The following SPTBN2 variants were observed in gnomAD, a reference collection of about 807,000 sequenced individuals.
SPTBN2 encodes the protein spectrin beta chain, non-erythrocytic 2.
In SPTBN2, 107 loss-of-function variants were observed where a neutral mutation model predicts 284.2. The observed-to-expected ratio is 0.38, with a 90% CI of 0.32 to 0.44. The LOEUF is 0.44. SPTBN2 is among the 20% of genes least tolerant of loss of function. The pLI is 1.00. For missense variants in SPTBN2, 2,569 were observed against 3,287.1 expected (o/e 0.78, Z 5.34); for synonymous variants, 1,289 against 1,354.8 (o/e 0.95, Z 1.07).
At chr11:66,740,657 T>G (rs115469135) in intron 1 of SPTBN2, among the ~76,000 whole-genome samples, 1,649 of 152,290 alleles carry the variant, frequency 0.011, 37 homozygotes, top group African/African-American at 0.037. Flanking sequence ...GGAACTGGTA[T>G]GGGACAGACT....
At chr11:66,702,230 A>G (rs1229448999) in intron 15 of SPTBN2, among the ~76,000 whole-genome samples, 3 of 152,174 alleles carry the variant, frequency 2.0e-5, no homozygotes, top group African/African-American at 7.2e-5. Context: ...GTAGTGGTGC[A>G]ATCTCGACTC....
At position 66,737,324 on chromosome 11, in the gene SPTBN2, AC is replaced by A. The variant is rs547338140; in HGVS notation, c.-475+7217del. On this transcript the variant is annotated intron_variant, in intron 1 of 37. Coordinates refer to the SPTBN2 transcript ENST00000611817. ...GTATGTCTAAAATGATTTGATTCAT[AC>A]AAAACTTGGCTTATACAATGTTTTA... Among the ~76,000 whole-genome samples, 11 of 152,352 alleles carry A rather than the reference AC, an allele frequency of 7.2e-5. No individual in the cohort carries two copies. In the South Asian group the frequency reaches 2.1e-3, roughly 29 times the overall value.
At chr11:66,694,432 ACCAGTCTCTAT>A (rs1439641202) in intron 21 of SPTBN2, 69 bp from the exon 22 acceptor site, 49 of 1,480,144 alleles carry the variant, frequency 3.3e-5, no homozygotes, top group Non-Finnish European at 4.2e-5. Flanking sequence ...AGAGACACCA[ACCAGTCTCTAT>A]CCAGCCCACT....
chr11:66,716,786 C>A (rs1942171236), intron 3 of SPTBN2, among the ~76,000 whole-genome samples: 3 of 152,206 alleles, frequency 2.0e-5, no homozygotes, highest in African/African-American at 7.2e-5. Context: ...GTGGTGTGAT[C>A]TGGCCCGAAG....
chr11:66,699,681 G>A, intron 17 of SPTBN2, 73 bp from the exon 18 acceptor site: 2 of 1,505,568 alleles, frequency 1.3e-6, no homozygotes, highest in South Asian at 1.1e-5. Context: ...CCCACCCAGG[G>A]GCAAATCTGA....
rs143781509 is a variant in SPTBN2, at chr11:66,688,289, C to T, written c.6254G>A (p.Arg2085Gln). 6.9e-6 allele frequency: 11 copies of T among 1,605,342 alleles called. No homozygotes were observed. In the South Asian group the frequency reaches 8.9e-5, roughly 13 times the overall value. The change falls in exon 32 of 38, where the codon CGA becomes CAA. Residue 2085 changes from arginine (R) to glutamine (Q), a missense_variant. Arg to Gln is a conservative substitution (Grantham distance 43). Around this residue, in one of 6 missense-constraint regions of SPTBN2, gnomAD observed 1,130 missense variants for 1,317.3 expected, o/e 0.86. Coordinates refer to ENST00000533211, the MANE Select transcript of SPTBN2 (RefSeq NM_006946.4). ...CTCCTCCTCCTCCCTCTTTCTCTTT[C>T]GCTCCTTCTCCCGCTCCTCTAGCTG... ...LTALEEREKE[R>Q]KRKREEEERR...
At position 66,710,327 on chromosome 11, in the gene SPTBN2, G is replaced by T. The variant is rs778089409; in HGVS notation, c.1073+255C>A. Among the ~76,000 whole-genome samples the T allele has an allele frequency of 1.3e-5, 2 of 150,602 alleles. No homozygotes were observed. The highest frequency in any genetic ancestry group is 4.9e-5 in the African/African-American group (2 of 40,810). ...TTGGCCAGACTGGTCTCGGTGATGC[G>T]CCCGCCTTGGCCTCCCAAAGTGCTG... On this transcript the variant is annotated intron_variant, in intron 10 of 37. Transcript: ENST00000533211. This position sits in a 1 kb window ranked among gnomAD's most constrained non-coding sequence, Gnocchi z 4.9.
At position 66,715,432 on chromosome 11, in the gene SPTBN2, G is replaced by A. The variant is rs1357871483; in HGVS notation, c.310-37C>T. 3 of 1,587,900 alleles carry A rather than the reference G, an allele frequency of 1.9e-6. No individual in the cohort carries two copies. The highest frequency in any genetic ancestry group is 2.6e-6 in the Non-Finnish European group (3 of 1,164,240). ...CGGGGGCAAAATGGCACGGGACTGTGGGCTTCCACCTTCTTCCCCAGCCTT... is the reference window on the plus strand; with the variant it reads ...CGGGGGCAAAATGGCACGGGACTGTAGGCTTCCACCTTCTTCCCCAGCCTT... On this transcript the variant is annotated intron_variant, in intron 4 of 37. Coordinates refer to ENST00000533211, the MANE Select transcript of SPTBN2 (RefSeq NM_006946.4). The surrounding 1 kb of genome is among the most constrained non-coding windows in gnomAD (Gnocchi z 5.3).
chr11:66,692,277 A>G (rs1940611061), intron 26 of SPTBN2, among the ~76,000 whole-genome samples: 2 of 151,990 alleles, frequency 1.3e-5, no homozygotes, highest in South Asian at 4.1e-4. Context: ...GGGTCTCACT[A>G]TGTTGCCCAG....
intron 19 of SPTBN2, 73 bp from the exon 20 acceptor site, chr11:66,698,858 C>G: frequency 3.1e-6 from 5 of 1,605,952 alleles, no homozygotes. Flanking sequence ...CCACAGTGAG[C>G]CAGGAGAAGT....
intron 31 of SPTBN2, 137 bp downstream of exon 31, chr11:66,688,516 T>G: frequency 6.9e-7 from 1 of 1,447,528 alleles, no homozygotes; most frequent in Non-Finnish European, 9.4e-7. Flanking sequence ...AAAGGTGTGG[T>G]GACAATGGCA....
rs368458475 is a variant in SPTBN2, at chr11:66,691,344, G to C, written c.5505C>G (p.Ala1835=). Reference sequence around the variant, plus strand: ...CACAGTGTCGGCGCTGCAGGGCCTCGGCAGCGTTGAGGTCGCGGCCAGTCC... The same window carrying C: ...CACAGTGTCGGCGCTGCAGGGCCTCCGCAGCGTTGAGGTCGCGGCCAGTCC... ...PDGTGRDLNA[A]EALQRRHCAY... is the part of the protein sequence containing the mutation. The change falls in exon 27 of 38, where the codon GCC becomes GCG. Residue 1835 remains alanine, a synonymous_variant. Coordinates refer to ENST00000533211, the MANE Select transcript of SPTBN2 (RefSeq NM_006946.4). The surrounding 1 kb of genome is among the most constrained non-coding windows in gnomAD (Gnocchi z 8.0). 2 of 1,566,858 alleles carry C rather than the reference G, an allele frequency of 1.3e-6. No individual in the cohort carries two copies. The highest frequency in any genetic ancestry group is 1.7e-6 in the Non-Finnish European group (2 of 1,152,506).
chr11:66,737,277 C>CT (rs1354913297), intron 1 of SPTBN2, among the ~76,000 whole-genome samples: 3 of 152,172 alleles, frequency 2.0e-5, no homozygotes, highest in African/African-American at 7.2e-5. Context: ...AACAGGGTTT[C>CT]TTTTAAACAG....
rs1370139727 is a variant in SPTBN2 at position 66,710,045 on chromosome 11, T to C, written c.1073+537A>G. Among the ~76,000 whole-genome samples the C allele has an allele frequency of 6.6e-6, 1 of 152,078 alleles. No homozygotes were observed. Among genetic ancestry groups the C allele is most frequent in the Non-Finnish European group, 1.5e-5 (1 of 67,988 alleles). On this transcript the variant is annotated intron_variant, in intron 10 of 37. Transcript: ENST00000533211. The surrounding 1 kb of genome is among the most constrained non-coding windows in gnomAD (Gnocchi z 4.9). ...CATCATAGCAATCATTTCCACAGCA[T>C]GTTTGTTTGTTTTTTGAGACGGAGT...
At chr11:66,695,287 G>A (rs1276669568) in intron 21 of SPTBN2, among the ~76,000 whole-genome samples, 7 of 152,280 alleles carry the variant, frequency 4.6e-5, no homozygotes, top group Admixed American at 3.3e-4. Flanking sequence ...GACAAGTCTC[G>A]CTCTGCCACC....
At chr11:66,741,470 A>G (rs1942895312) in intron 1 of SPTBN2, among the ~76,000 whole-genome samples, 1 of 152,242 alleles carries the variant, frequency 6.6e-6, no homozygotes, top group Non-Finnish European at 1.5e-5. Context: ...GTATGTCTTC[A>G]TGAGAATGAA....
rs766031252 is a variant in SPTBN2 at position 66,698,827 on chromosome 11, G to C, written c.3868-42C>G. ...ACAGGGACATTTCCAAGGGAGGGGA[G>C]AGGGGGGCATAAAAGCAGGGCCACA... On this transcript the variant is annotated intron_variant, in intron 19 of 37. Coordinates refer to ENST00000533211, the MANE Select transcript of SPTBN2 (RefSeq NM_006946.4). The C allele has an allele frequency of 1.9e-6, 3 of 1,611,306 alleles. No individual in the cohort carries two copies. In the East Asian group the frequency reaches 6.7e-5, roughly 36 times the overall value.
At chr11:66,740,909 A>G (rs970641039) in intron 1 of SPTBN2, among the ~76,000 whole-genome samples, 4 of 152,168 alleles carry the variant, frequency 2.6e-5, no homozygotes, top group African/African-American at 9.7e-5. Flanking sequence ...AGTGTCTAGG[A>G]GACACAGAGA....
In SPTBN2 at chr11:66,688,056, G is replaced by C; in HGVS notation, c.6398C>G (p.Ser2133Cys). Residue 2133 changes from serine (S) to cysteine (C), a missense_variant, in exon 33 of 38, where the codon TCC becomes TGC. Physicochemically the swap from Ser to Cys is moderately radical, Grantham distance 112 (BLOSUM62 -1). Around this residue, in one of 6 missense-constraint regions of SPTBN2, gnomAD observed 1,130 missense variants for 1,317.3 expected, o/e 0.86. Transcript: ENST00000533211. ...WDGTQPRPPPSTQAPSVNGVC... is the reference protein window; with the variant it reads ...WDGTQPRPPPCTQAPSVNGVC... ...TCCATTAACACTGGGTGCTTGTGTG[G>C]ATGGTGGTGGCCGTGGCTGGGTTCT... The C allele has an allele frequency of 6.2e-7, 1 of 1,614,168 alleles. No homozygotes were observed. The highest frequency in any genetic ancestry group is 8.5e-7 in the Non-Finnish European group (1 of 1,180,024).
Sources: gnomAD v4.1 joint callset for allele counts (sites outside exome capture counted in the v4.1 genomes callset) on GRCh38, gnomAD v4.1.1 for gene constraint, gnomAD v4.1.1 regional missense constraint, Gnocchi (gnomAD v3.1) non-coding constraint, MANE v1.5 for transcripts, NCBI Gene and HGNC (gene_info 2026-07-23, HGNC 2026-07-21) for gene names.